Variants in SGCG observed in about 807,000 individuals in gnomAD.
SGCG encodes the protein sarcoglycan gamma, also known as gamma-sarcoglycan.
A neutral mutation model predicts 29.3 loss-of-function variants in SGCG; 26 were observed. That is an observed-to-expected ratio of 0.89 (90% CI 0.65 to 1.23). The LOEUF (loss-of-function observed/expected upper bound fraction) is 1.23, where lower values mean the gene tolerates loss of function less well. SGCG is among the 50% of genes most tolerant of loss of function. The pLI is 0.00. For synonymous variants in SGCG, 145 were observed against 129.7 expected (o/e 1.12, Z -0.80); for missense variants, 353 against 356.0 (o/e 0.99, Z 0.07).
intron 6 of SGCG, among the ~76,000 whole-genome samples, chr13:23,306,512 A>T (rs987220494): frequency 1.3e-4 from 20 of 152,180 alleles, no homozygotes; most frequent in Non-Finnish European, 5.9e-5. Context: ...AGGAATTTTT[A>T]AATTCCTGTT....
chr13:23,260,398 G>T (rs1880377868), intron 4 of SGCG, among the ~76,000 whole-genome samples: 1 of 152,008 alleles, frequency 6.6e-6, no homozygotes, highest in Non-Finnish European at 1.5e-5. Context: ...CATTTGCTTG[G>T]TAGATCTTCC....
At chr13:23,264,486 A>G (rs4769249) in intron 4 of SGCG, among the ~76,000 whole-genome samples, 51,630 of 152,082 alleles carry the variant, frequency 0.34, 9,434 homozygotes, top group Non-Finnish European at 0.4. Flanking sequence ...TCAATATTGC[A>G]AAATGACCAT....
rs1195349399 is a variant in SGCG at position 23,299,881 on chromosome 13, T to G, written c.578+4394T>G. On this transcript the variant is annotated intron_variant, in intron 6 of 7. Coordinates refer to ENST00000218867, the MANE Select transcript of SGCG (RefSeq NM_000231.3). ...TTTTAAAAAGTCAGCAAAAGTGTAT[T>G]AAAGTGTTTATGTGCCAGATATAAA... Among the ~76,000 whole-genome samples the G allele has an allele frequency of 2.6e-5, 4 of 152,222 alleles. No individual in the cohort carries two copies. The South Asian group carries it at 6.2e-4, about 24-fold the overall frequency.
chr13:23,190,294 G>T (rs185591462), intron 1 of SGCG, among the ~76,000 whole-genome samples: 1 of 152,174 alleles, frequency 6.6e-6, no homozygotes, highest in East Asian at 1.9e-4. Flanking sequence ...AACGTCTGTA[G>T]TAGTAATCTC....
chr13:23,318,699 A>G (rs1882922182), intron 6 of SGCG, among the ~76,000 whole-genome samples: 1 of 152,224 alleles, frequency 6.6e-6, no homozygotes, highest in South Asian at 2.1e-4. Flanking sequence ...GCCTTTTGGT[A>G]AAATGTGTCT....
At chr13:23,204,536 A>G (rs1466945287) in intron 2 of SGCG, among the ~76,000 whole-genome samples, 1 of 152,192 alleles carries the variant, frequency 6.6e-6, no homozygotes, top group Non-Finnish European at 1.5e-5. Context: ...CAGGCAGGTC[A>G]GTCTGTTGCT....
intron 2 of SGCG, among the ~76,000 whole-genome samples, chr13:23,228,529 G>A (rs9580579): frequency 0.14 from 21,488 of 152,012 alleles, 1,812 homozygotes; most frequent in African/African-American, 0.23. Context: ...TGGGCATTTG[G>A]TTTACAGATT....
intron 2 of SGCG, among the ~76,000 whole-genome samples, chr13:23,216,002 G>A (rs1378747412): frequency 6.6e-6 from 1 of 151,980 alleles, no homozygotes; most frequent in Non-Finnish European, 1.5e-5. Context: ...TGTAAAAGAG[G>A]ATAATTATCT....
intron 4 of SGCG, among the ~76,000 whole-genome samples, chr13:23,276,768 A>G (rs1881094713): frequency 6.6e-6 from 1 of 152,184 alleles, no homozygotes; most frequent in Non-Finnish European, 1.5e-5. Context: ...AATCAGTTGC[A>G]GGCATCGCGT....
At chr13:23,239,071 T>A (rs1411374584) in intron 3 of SGCG, among the ~76,000 whole-genome samples, 2 of 152,084 alleles carry the variant, frequency 1.3e-5, no homozygotes, top group Non-Finnish European at 2.9e-5. Context: ...TAAAGTGTAC[T>A]TTTTTTCCAA....
intron 1 of SGCG, among the ~76,000 whole-genome samples, chr13:23,184,463 A>G (rs1387629743): frequency 1.3e-5 from 2 of 152,162 alleles, no homozygotes; most frequent in African/African-American, 4.8e-5. Context: ...AAAATAGATT[A>G]CAGGCTACTT....
chr13:23,260,686 G>C (rs1237887403), intron 4 of SGCG, among the ~76,000 whole-genome samples: 1 of 152,134 alleles, frequency 6.6e-6, no homozygotes, highest in Non-Finnish European at 1.5e-5. Context: ...GCTGGTACTG[G>C]TTTTTCCTTT....
intron 3 of SGCG, among the ~76,000 whole-genome samples, chr13:23,248,917 G>C (rs1433324955): frequency 3.3e-5 from 5 of 151,036 alleles, no homozygotes; most frequent in African/African-American, 1.2e-4. Context: ...CGTGAACCCG[G>C]GAGGCGGAGC....
At chr13:23,287,390 G>T (rs897251223) in intron 5 of SGCG, among the ~76,000 whole-genome samples, 1 of 129,322 alleles carries the variant, frequency 7.7e-6, no homozygotes, top group Non-Finnish European at 1.8e-5. Context: ...CCTCAGTCTT[G>T]CAAGCACAAA....
upstream of SGCG, among the ~76,000 whole-genome samples, chr13:23,178,049 G>A (rs2137460469): frequency 6.6e-6 from 1 of 152,302 alleles, no homozygotes; most frequent in Middle Eastern, 3.4e-3. Context: ...AGGCATGTGT[G>A]TCAGGTCAAG....
intron 6 of SGCG, among the ~76,000 whole-genome samples, chr13:23,309,924 T>C (rs1882498835): frequency 6.6e-6 from 1 of 152,194 alleles, no homozygotes; most frequent in Non-Finnish European, 1.5e-5. Flanking sequence ...ATTATGAGCA[T>C]ATAATTATTC....
intron 4 of SGCG, among the ~76,000 whole-genome samples, chr13:23,257,807 G>T: frequency 6.6e-6 from 1 of 152,026 alleles, no homozygotes; most frequent in Non-Finnish European, 1.5e-5. Flanking sequence ...ATAGGGAATC[G>T]TTTCCCCATT....
intron 4 of SGCG, among the ~76,000 whole-genome samples, chr13:23,276,839 A>G (rs1458651222): frequency 6.6e-6 from 1 of 152,190 alleles, no homozygotes; most frequent in Non-Finnish European, 1.5e-5. Context: ...AGACTCTCTC[A>G]TGCTTGCATC....
chr13:23,256,732 T>C (rs1054333589), intron 4 of SGCG, among the ~76,000 whole-genome samples: 6 of 152,250 alleles, frequency 3.9e-5, no homozygotes, highest in African/African-American at 1.4e-4. Flanking sequence ...GGCTGCATAG[T>C]ATTCCATGGT....
Sources: allele counts gnomAD v4.1 joint callset (sites outside exome capture counted in the v4.1 genomes callset), GRCh38; gene constraint gnomAD v4.1.1; transcripts MANE v1.5; gene names NCBI Gene and HGNC (gene_info 2026-07-23, HGNC 2026-07-21).